The following SLC9A9 variants were observed in gnomAD, a reference collection of about 807,000 sequenced individuals.
The protein encoded by SLC9A9 is solute carrier family 9 member A9, also known as sodium/hydrogen exchanger 9.
A neutral mutation model predicts 77.8 loss-of-function variants in SLC9A9; 62 were observed. That is an observed-to-expected ratio of 0.80 (90% CI 0.65 to 0.98). SLC9A9 has a LOEUF of 0.98. Among genes scored for constraint, SLC9A9 ranks in the 50% least tolerant of loss-of-function variants. SLC9A9 has a pLI of 0.00. For synonymous variants in SLC9A9, 320 were observed against 283.5 expected (o/e 1.13, Z -1.29); for missense variants, 775 against 774.9 (o/e 1.00, Z 0.00).
intron 4 of SLC9A9, among the ~76,000 whole-genome samples, chr3:143,701,547 A>G: frequency 6.6e-6 from 1 of 152,168 alleles, no homozygotes; most frequent in Non-Finnish European, 1.5e-5. Context: ...TTTCAACAGC[A>G]GAATTGATCA....
At chr3:143,783,314 C>A (rs150797201) in intron 4 of SLC9A9, among the ~76,000 whole-genome samples, 2 of 152,254 alleles carry the variant, frequency 1.3e-5, no homozygotes, top group African/African-American at 4.8e-5. Context: ...ACAGGCAACA[C>A]TGAGGCTCTA....
At chr3:143,744,312 G>A (rs574821649) in intron 4 of SLC9A9, among the ~76,000 whole-genome samples, 2 of 152,240 alleles carry the variant, frequency 1.3e-5, no homozygotes, top group South Asian at 4.1e-4. Context: ...AGAACCCTGG[G>A]CATATGGCCA....
intron 14 of SLC9A9, among the ~76,000 whole-genome samples, chr3:143,320,146 G>A (rs184872592): frequency 6.6e-6 from 1 of 152,278 alleles, no homozygotes; most frequent in Admixed American, 6.5e-5. Flanking sequence ...TTATTGATAG[G>A]CTGCCACTCT....
At chr3:143,585,827 A>T (rs1462014316) in intron 6 of SLC9A9, among the ~76,000 whole-genome samples, 5 of 152,124 alleles carry the variant, frequency 3.3e-5, no homozygotes, top group Non-Finnish European at 7.4e-5. Context: ...AGGCCAGAAG[A>T]GGTGCTGGTC....
At chr3:143,361,428 A>G (rs1276584788) in intron 14 of SLC9A9, among the ~76,000 whole-genome samples, 1 of 152,248 alleles carries the variant, frequency 6.6e-6, no homozygotes, top group Non-Finnish European at 1.5e-5. Flanking sequence ...TGAAGTTCAC[A>G]GGACACATTG....
intron 8 of SLC9A9, among the ~76,000 whole-genome samples, chr3:143,556,139 T>C (rs1426393596): frequency 6.6e-6 from 1 of 152,232 alleles, no homozygotes; most frequent in Non-Finnish European, 1.5e-5. Context: ...ACATTTTAAT[T>C]ATCACTATGT....
chr3:143,501,160 A>T (rs993069534), intron 9 of SLC9A9, among the ~76,000 whole-genome samples: 2 of 150,808 alleles, frequency 1.3e-5, no homozygotes, highest in Non-Finnish European at 2.9e-5. Context: ...ACCTGGAAAC[A>T]AATATCCATA....
chr3:143,454,618 T>C (rs1328052452), intron 12 of SLC9A9, among the ~76,000 whole-genome samples: 1 of 152,170 alleles, frequency 6.6e-6, no homozygotes, highest in Non-Finnish European at 1.5e-5. Flanking sequence ...TAGCTCCCAG[T>C]TCTGTAGGTC....
chr3:143,472,246 T>C (rs1303774839), intron 11 of SLC9A9, among the ~76,000 whole-genome samples: 2 of 152,142 alleles, frequency 1.3e-5, no homozygotes, highest in African/African-American at 4.8e-5. Flanking sequence ...AAAGGTAAAC[T>C]GTAAGAAGGT....
intron 13 of SLC9A9, among the ~76,000 whole-genome samples, chr3:143,369,660 A>G (rs1291535172): frequency 3.3e-5 from 5 of 152,218 alleles, no homozygotes; most frequent in Non-Finnish European, 5.9e-5. Context: ...AAATTAAAAA[A>G]AAATCTCTTT....
intron 12 of SLC9A9, among the ~76,000 whole-genome samples, chr3:143,382,761 C>T (rs1161922066): frequency 6.6e-6 from 1 of 152,176 alleles, no homozygotes; most frequent in Non-Finnish European, 1.5e-5. Context: ...AAATACAAAA[C>T]ATTTTAATTA....
intron 12 of SLC9A9, among the ~76,000 whole-genome samples, chr3:143,438,632 G>A (rs113937047): frequency 0.025 from 3,833 of 152,304 alleles, 177 homozygotes; most frequent in African/African-American, 0.088. Context: ...GCAGGGCAGA[G>A]TCAGAATATT....
At chr3:143,822,438 T>C (rs557517997) in intron 2 of SLC9A9, among the ~76,000 whole-genome samples, 1 of 151,852 alleles carries the variant, frequency 6.6e-6, no homozygotes, top group Admixed American at 6.5e-5. Context: ...AGTCCTGTGA[T>C]CAGAAATGGA....
chr3:143,714,319 GTC>G (rs1291704367), intron 4 of SLC9A9, among the ~76,000 whole-genome samples: 3 of 152,122 alleles, frequency 2.0e-5, no homozygotes, highest in Non-Finnish European at 4.4e-5. Context: ...TTATTCCAGT[GTC>G]TCTTTTCTTC....
chr3:143,667,220 A>C (rs919742760), intron 5 of SLC9A9, among the ~76,000 whole-genome samples: 6 of 152,238 alleles, frequency 3.9e-5, no homozygotes, highest in African/African-American at 1.4e-4. Flanking sequence ...TGACCAAAAA[A>C]GAAATGGGGA....
chr3:143,551,071 A>G (rs2036874105), intron 9 of SLC9A9, among the ~76,000 whole-genome samples: 2 of 152,208 alleles, frequency 1.3e-5, no homozygotes, highest in African/African-American at 4.8e-5. Flanking sequence ...GTCCTTACAA[A>G]AAGAGGAAAT....
intron 14 of SLC9A9, among the ~76,000 whole-genome samples, chr3:143,362,436 C>T (rs1031741611): frequency 2.0e-5 from 3 of 152,150 alleles, no homozygotes; most frequent in Admixed American, 1.3e-4. Context: ...TTTCTCTTCA[C>T]TTCTCTCTTA....
chr3:143,689,246 T>C (rs1933378154), intron 5 of SLC9A9, among the ~76,000 whole-genome samples: 1 of 152,112 alleles, frequency 6.6e-6, no homozygotes, highest in African/African-American at 2.4e-5. Flanking sequence ...TTTCCAGAAA[T>C]GTCTCCCAAA....
At chr3:143,314,719 C>T (rs1222180200) in intron 14 of SLC9A9, among the ~76,000 whole-genome samples, 1 of 152,230 alleles carries the variant, frequency 6.6e-6, no homozygotes, top group Admixed American at 6.5e-5. Context: ...CAATTCTTCC[C>T]TGCTAGCTGC....
Sources: gnomAD v4.1 joint callset for allele counts (sites outside exome capture counted in the v4.1 genomes callset) on GRCh38, gnomAD v4.1.1 for gene constraint, MANE v1.5 for transcripts, NCBI Gene and HGNC (gene_info 2026-07-23, HGNC 2026-07-21) for gene names.